The following PDGFD variants were observed in gnomAD, a reference collection of about 807,000 sequenced individuals.
The protein encoded by PDGFD is platelet-derived growth factor D.
PDGFD carries 30 observed loss-of-function variants against 44.7 expected under a neutral mutation model. That is an observed-to-expected ratio of 0.67 (90% CI 0.50 to 0.91). The LOEUF is 0.91. PDGFD is among the 40% of genes least tolerant of loss of function. The pLI is 0.00. For synonymous variants in PDGFD, 173 were observed against 168.4 expected, an observed-to-expected ratio of 1.03 and a Z score of -0.21; for missense variants, 445 against 457.8, an observed-to-expected ratio of 0.97 and a Z score of 0.25.
chr11:103,991,030 T>A (rs564671981), intron 3 of PDGFD, among the ~76,000 whole-genome samples: 2 of 151,810 alleles, frequency 1.3e-5, no homozygotes, highest in Non-Finnish European at 2.9e-5. Flanking sequence ...TCCCAGCTAC[T>A]CAGGAGGCTG....
At chr11:104,093,145 TA>T (rs1861234023) in intron 1 of PDGFD, among the ~76,000 whole-genome samples, 1 of 152,154 alleles carries the variant, frequency 6.6e-6, no homozygotes, top group African/African-American at 2.4e-5. Flanking sequence ...TTTCACAAGC[TA>T]GCAGCCCTTC....
chr11:104,044,502 T>A (rs1224089486), intron 1 of PDGFD, among the ~76,000 whole-genome samples: 1 of 152,204 alleles, frequency 6.6e-6, no homozygotes, highest in Non-Finnish European at 1.5e-5. Flanking sequence ...AAGTAAATCA[T>A]ATATGGACAG....
chr11:104,035,494 TA>T lies in PDGFD; in HGVS notation c.125-35240del, dbSNP rs113293931. Among the ~76,000 whole-genome samples, 58 of 146,302 alleles carry T rather than the reference TA, an allele frequency of 4.0e-4. 1 individual carries two copies. The highest frequency in any genetic ancestry group is 4.2e-4 in the African/African-American group (17 of 40,096). The stretch of plus-strand genomic sequence containing the variant: ...AAGAAGCCTCTTCCTTAAGTCAATT[TA>T]AAAAAAAAAATCACAAACACCTGCT... On this transcript the variant is annotated intron_variant, in intron 1 of 6. Coordinates refer to ENST00000393158, the MANE Select transcript of PDGFD (RefSeq NM_025208.5).
At chr11:104,006,947 A>T (rs1176193636) in intron 1 of PDGFD, among the ~76,000 whole-genome samples, 1 of 152,168 alleles carries the variant, frequency 6.6e-6, no homozygotes, top group African/African-American at 2.4e-5. Context: ...GAGCTGGTTA[A>T]TACTTAAGCT....
chr11:104,048,852 A>C (rs554652024), intron 1 of PDGFD, among the ~76,000 whole-genome samples: 4 of 152,336 alleles, frequency 2.6e-5, no homozygotes, highest in Admixed American at 2.6e-4. Context: ...TTTCCAATGA[A>C]AGTTTCAAAC....
chr11:103,985,367 T>C (rs926432684), intron 3 of PDGFD, among the ~76,000 whole-genome samples: 3 of 150,966 alleles, frequency 2.0e-5, no homozygotes, highest in Admixed American at 6.6e-5. Context: ...GCCTAAATTA[T>C]TGTCAAGTTT....
chr11:104,081,017 C>T (rs373159139), intron 1 of PDGFD, among the ~76,000 whole-genome samples: 6 of 152,210 alleles, frequency 3.9e-5, no homozygotes, highest in Non-Finnish European at 5.9e-5. Flanking sequence ...TAGCTGACAT[C>T]TTAACTGCTA....
chr11:104,063,859 T>C (rs1247066594), intron 1 of PDGFD, among the ~76,000 whole-genome samples: 1 of 152,060 alleles, frequency 6.6e-6, no homozygotes, highest in African/African-American at 2.4e-5. Flanking sequence ...GATTACAATT[T>C]GAGATGAGAT....
chr11:104,045,127 T>C (rs961683733), intron 1 of PDGFD, among the ~76,000 whole-genome samples: 1 of 152,126 alleles, frequency 6.6e-6, no homozygotes, highest in Non-Finnish European at 1.5e-5. Context: ...CTGGTCACCA[T>C]ACTAGTGTTA....
chr11:103,984,751 T>G (rs1286192036), intron 3 of PDGFD, among the ~76,000 whole-genome samples: 1 of 148,452 alleles, frequency 6.7e-6, no homozygotes, highest in African/African-American at 2.5e-5. Flanking sequence ...GAGAGGAAGT[T>G]CATGTGGCTG....
intron 1 of PDGFD, among the ~76,000 whole-genome samples, chr11:104,012,223 C>T (rs1405741704): frequency 6.6e-6 from 1 of 152,040 alleles, no homozygotes; most frequent in Non-Finnish European, 1.5e-5. Context: ...TCGGAATTAT[C>T]TGGAGTCCTA....
chr11:104,153,122 G>A (rs979850147), intron 1 of PDGFD, among the ~76,000 whole-genome samples: 1 of 151,990 alleles, frequency 6.6e-6, no homozygotes, highest in African/African-American at 2.4e-5. Context: ...TGCTCTTCCT[G>A]TGTTACTTCC....
chr11:104,009,192 C>A (rs1257795277), intron 1 of PDGFD, among the ~76,000 whole-genome samples: 1 of 152,124 alleles, frequency 6.6e-6, no homozygotes, highest in Middle Eastern at 3.4e-3. Context: ...CCAGTAGCAC[C>A]AGAGCCAGGC....
rs1857947508 is a variant in PDGFD at position 103,907,223 on chromosome 11, A to G, written c.*2471T>C. 6.6e-6 allele frequency: 1 copy of G among 152,046 alleles called. No homozygotes were observed. Among genetic ancestry groups the G allele is most frequent in the African/African-American group, 2.4e-5 (1 of 41,386 alleles). 9.4% of individuals were successfully genotyped at this position (152,046 alleles called of 1,614,324 possible). A position where few individuals can be genotyped will look rare whatever the true frequency, so the allele number is the denominator to read the frequency against. On this transcript the variant is annotated 3_prime_UTR_variant, in exon 7 of 7. Coordinates refer to ENST00000393158, the MANE Select transcript of PDGFD (RefSeq NM_025208.5). ...AAAGCAATATTTATTTTTCATGAAG[A>G]TAAGAGGCATATTACATTCGCTATA...
chr11:104,075,740 CT>C (rs1339093497), intron 1 of PDGFD, among the ~76,000 whole-genome samples: 1 of 152,140 alleles, frequency 6.6e-6, no homozygotes, highest in Non-Finnish European at 1.5e-5. Flanking sequence ...GCCATTACCC[CT>C]GGTATCTGTC....
intron 3 of PDGFD, among the ~76,000 whole-genome samples, chr11:103,972,892 C>A (rs538829114): frequency 6.6e-6 from 1 of 152,190 alleles, no homozygotes; most frequent in Non-Finnish European, 1.5e-5. Flanking sequence ...AATGAACTGG[C>A]CAATAGCATA....
At chr11:104,068,380 T>C (rs544504160) in intron 1 of PDGFD, among the ~76,000 whole-genome samples, 2 of 152,314 alleles carry the variant, frequency 1.3e-5, no homozygotes, top group Admixed American at 6.5e-5. Context: ...CAATCAAACA[T>C]TGATGATTAT....
At chr11:103,986,577 AAG>A (rs1859368491) in intron 3 of PDGFD, among the ~76,000 whole-genome samples, 1 of 152,206 alleles carries the variant, frequency 6.6e-6, no homozygotes, top group East Asian at 1.9e-4. Context: ...ATGATGGTGA[AAG>A]AGATCTGACC....
intron 1 of PDGFD, among the ~76,000 whole-genome samples, chr11:104,035,993 C>T (rs1371600401): frequency 2.6e-5 from 4 of 152,136 alleles, no homozygotes; most frequent in Admixed American, 6.5e-5. Flanking sequence ...ATGTGAGCTC[C>T]TCAAGGGCAG....
Sources: allele counts gnomAD v4.1 joint callset (sites outside exome capture counted in the v4.1 genomes callset), GRCh38; gene constraint gnomAD v4.1.1; transcripts MANE v1.5; gene names NCBI Gene and HGNC (gene_info 2026-07-23, HGNC 2026-07-21).